The following ZNF804A variants were observed in gnomAD, a reference collection of about 807,000 sequenced individuals.
ZNF804A encodes the protein zinc finger protein 804A.
In ZNF804A, 2 loss-of-function variants were observed where a neutral mutation model predicts 16.5. The ratio of observed to expected loss-of-function variants is 0.12; its 90% CI spans 0.05 to 0.38. The LOEUF is 0.38. ZNF804A is among the 10% of genes least tolerant of loss of function. The probability of loss-of-function intolerance (pLI) is 0.99; values close to 1 mark genes in which losing one functional copy is unlikely to be tolerated. For synonymous variants in ZNF804A, 534 were observed against 489.6 expected (o/e 1.09, Z -1.20); for missense variants, 1,473 against 1,390.7 (o/e 1.06, Z -0.94).
At chr2:184,719,421 G>A (rs1325797883) in intron 1 of ZNF804A, among the ~76,000 whole-genome samples, 2 of 152,144 alleles carry the variant, frequency 1.3e-5, no homozygotes, top group Non-Finnish European at 2.9e-5. Context: ...AATTTCTGCA[G>A]CTGGCTGGAA....
intron 1 of ZNF804A, among the ~76,000 whole-genome samples, chr2:184,680,036 T>C (rs1392202018): frequency 6.6e-6 from 1 of 152,212 alleles, no homozygotes; most frequent in African/African-American, 2.4e-5. Context: ...TTTTCACCTC[T>C]GAAGCCCATA....
chr2:184,698,015 T>C (rs201710695), intron 1 of ZNF804A, among the ~76,000 whole-genome samples: 1 of 152,048 alleles, frequency 6.6e-6, no homozygotes, highest in East Asian at 1.9e-4. Context: ...ATTTGGAAAA[T>C]TGAAGTTTTA....
intron 1 of ZNF804A, among the ~76,000 whole-genome samples, chr2:184,766,185 A>T (rs1433879077): frequency 6.6e-6 from 1 of 152,122 alleles, no homozygotes; most frequent in African/African-American, 2.4e-5. Context: ...CTAAGTTGCT[A>T]AACACACCAA....
chr2:184,761,853 C>A (rs1053934705), intron 1 of ZNF804A, among the ~76,000 whole-genome samples: 8 of 152,116 alleles, frequency 5.3e-5, no homozygotes, highest in Non-Finnish European at 8.8e-5. Context: ...ATGTATGGAT[C>A]TGGCATTATT....
chr2:184,691,989 T>C (rs1286664440), intron 1 of ZNF804A, among the ~76,000 whole-genome samples: 3 of 152,130 alleles, frequency 2.0e-5, no homozygotes, highest in Non-Finnish European at 2.9e-5. Flanking sequence ...AAGGTCTGTA[T>C]TAGATGTTAC....
At position 184,936,518 on chromosome 2, in the gene ZNF804A, T is replaced by C; in HGVS notation, c.1122T>C (p.Ala374=). ...CTAATGATTGCATATCTGTGCAAGC[T>C]ACCACAGAGGAAAATGTTAAGCATA... is the stretch of plus-strand genomic sequence containing the variant. ...DMSNDCISVQ[A]TTEENVKHNE... The change falls in exon 4 of 4, where the codon GCT becomes GCC. Residue 374 remains alanine (A), a synonymous_variant. Transcript: ENST00000302277. 6.2e-7 allele frequency: 1 copy of C among 1,613,990 alleles called. No individual in the cohort carries two copies. Among genetic ancestry groups the C allele is most frequent in the Non-Finnish European group, 8.5e-7 (1 of 1,179,954 alleles).
At chr2:184,907,912 A>C (rs1230051070) in intron 2 of ZNF804A, among the ~76,000 whole-genome samples, 3 of 152,168 alleles carry the variant, frequency 2.0e-5, no homozygotes, top group Admixed American at 1.3e-4. Flanking sequence ...AATGTAATTT[A>C]TAAAATCATA....
chr2:184,924,700 G>T (rs1228799043), intron 2 of ZNF804A, among the ~76,000 whole-genome samples: 1 of 151,436 alleles, frequency 6.6e-6, no homozygotes, highest in Non-Finnish European at 1.5e-5. Context: ...CCTCTTAGTA[G>T]TGCTTTGGTT....
At chr2:184,743,270 C>A (rs766754295) in intron 1 of ZNF804A, among the ~76,000 whole-genome samples, 3 of 151,974 alleles carry the variant, frequency 2.0e-5, no homozygotes, top group Non-Finnish European at 4.4e-5. Context: ...CTTGAGTCTT[C>A]TGACTTAACA....
rs554521518 is a variant in ZNF804A, at chr2:184,650,992, G to C, written c.111+51922G>C. The stretch of plus-strand genomic sequence containing the variant: ...GAGCCTGAATAGCCAAAGCAATCCT[G>C]AGCAAAAAGAGCAAAGACAGATATA... On this transcript the variant is annotated intron_variant, in intron 1 of 3. Transcript: ENST00000302277. Among the ~76,000 whole-genome samples the C allele has an allele frequency of 7.9e-5, 12 of 152,110 alleles. No homozygotes were observed. The South Asian group carries it at 1.2e-3, about 16-fold the overall frequency.
intron 1 of ZNF804A, among the ~76,000 whole-genome samples, chr2:184,810,592 G>T (rs566237977): frequency 1.4e-5 from 2 of 143,548 alleles, no homozygotes; most frequent in East Asian, 4.5e-4. Flanking sequence ...CCAGGTTCAC[G>T]CCATTCTCCT....
At chr2:184,886,120 T>C (rs1448186632) in intron 2 of ZNF804A, among the ~76,000 whole-genome samples, 1 of 151,920 alleles carries the variant, frequency 6.6e-6, no homozygotes, top group African/African-American at 2.4e-5. Flanking sequence ...ACAATGGAGG[T>C]ACAGTTATTG....
At chr2:184,713,237 T>C (rs1276175049) in intron 1 of ZNF804A, among the ~76,000 whole-genome samples, 2 of 151,756 alleles carry the variant, frequency 1.3e-5, no homozygotes, top group African/African-American at 4.8e-5. Flanking sequence ...GATGGCTATT[T>C]TTTTTCATGA....
intron 1 of ZNF804A, among the ~76,000 whole-genome samples, chr2:184,652,286 G>C (rs973814537): frequency 2.1e-4 from 32 of 152,038 alleles, no homozygotes; most frequent in African/African-American, 6.8e-4. Context: ...GGAACCACTA[G>C]AGGGGAAGAA....
Position 184,920,884 on chromosome 2 carries a change from G to A in ZNF804A, c.256-12719G>A, listed in dbSNP as rs755677595. ...GACATTTTCCACAGACAATCCTCCC[G>A]ATGAAAATACACCTTAGCCAACTTC... On this transcript the variant is annotated intron_variant, in intron 2 of 3. Coordinates refer to ENST00000302277, the MANE Select transcript of ZNF804A (RefSeq NM_194250.2). 3.9e-5 allele frequency among the ~76,000 whole-genome samples: 6 copies of A among 152,228 alleles called. No individual in the cohort carries two copies. The South Asian group carries it at 1.2e-3, about 32-fold the overall frequency.
At chr2:184,796,740 A>G (rs903053581) in intron 1 of ZNF804A, among the ~76,000 whole-genome samples, 1 of 151,820 alleles carries the variant, frequency 6.6e-6, no homozygotes, top group Non-Finnish European at 1.5e-5. Flanking sequence ...GTGCTCTTTC[A>G]GTCTTTTTGA....
intron 1 of ZNF804A, among the ~76,000 whole-genome samples, chr2:184,619,027 A>G (rs1691376255): frequency 6.6e-6 from 1 of 152,022 alleles, no homozygotes; most frequent in Non-Finnish European, 1.5e-5. Flanking sequence ...CTTATTTTCT[A>G]CTAATTGCTG....
chr2:184,847,189 G>A (rs563358367), intron 1 of ZNF804A, among the ~76,000 whole-genome samples: 1 of 152,150 alleles, frequency 6.6e-6, no homozygotes, highest in South Asian at 2.1e-4. Flanking sequence ...GGAATCTATA[G>A]AGATATGATA....
chr2:184,860,076 T>C (rs1157686320), intron 1 of ZNF804A, among the ~76,000 whole-genome samples: 1 of 152,196 alleles, frequency 6.6e-6, no homozygotes, highest in African/African-American at 2.4e-5. Flanking sequence ...ACAGGGGTGT[T>C]CTTGGGCCCT....
Sources: allele counts gnomAD v4.1 joint callset (sites outside exome capture counted in the v4.1 genomes callset), GRCh38; gene constraint gnomAD v4.1.1; transcripts MANE v1.5; gene names NCBI Gene and HGNC (gene_info 2026-07-23, HGNC 2026-07-21).